Variants in PSORS1C1 observed in about 807,000 individuals in gnomAD.
PSORS1C1 encodes psoriasis susceptibility 1 candidate gene 1 protein.
PSORS1C1 carries 7 observed loss-of-function variants against 9.4 expected under a neutral mutation model. That is an observed-to-expected ratio of 0.75 (90% CI 0.42 to 1.40). The LOEUF (loss-of-function observed/expected upper bound fraction) is 1.40. PSORS1C1 is among the 40% of genes most tolerant of loss of function. The pLI is 0.01. For synonymous variants in PSORS1C1, 63 were observed against 69.4 expected (o/e 0.91, Z 0.46); for missense variants, 146 against 178.1 (o/e 0.82, Z 1.02).
Position 31,138,889 on chromosome 6 carries a change from C to A in PSORS1C1, c.167+110C>A, listed in dbSNP as rs1444609416. ...GCGTCCCCTGAATTCCTGTCCCCAA[C>A]CCCATGCGTCCAGTTCACCTCCGCC... On this transcript the variant is annotated intron_variant, in intron 5 of 5. Transcript: ENST00000259881. The A allele has an allele frequency of 4.0e-5, 64 of 1,598,434 alleles. No individual in the cohort carries two copies. The East Asian group carries it at 1.3e-3, about 33-fold the overall frequency.
chr6:31,134,146 T>A (rs539499592), intron 3 of PSORS1C1, among the ~76,000 whole-genome samples: 240 of 146,052 alleles, frequency 1.6e-3, no homozygotes, highest in African/African-American at 5.9e-3. Context: ...GCCCAGCTAA[T>A]TTTTTTGTAT....
rs1773292280 is a variant in PSORS1C1, at chr6:31,138,714, G to T, written c.102G>T (p.Glu34Asp). 1 of 1,602,708 alleles carries T rather than the reference G, an allele frequency of 6.2e-7. No individual in the cohort carries two copies. The highest frequency in any genetic ancestry group is 1.4e-5 in the African/African-American group (1 of 71,306). Residue 34 changes from glutamate to aspartate, a missense_variant, in exon 5 of 6, where the codon GAG becomes GAT. Glu to Asp is a conservative substitution (Grantham distance 45). Transcript: ENST00000259881. The part of the protein sequence containing the change: ...PQLLNTDPSS[E>D]ETRPPHVNPD... ...TCCTTAACACAGATCCCAGCTCCGA[G>T]GAAACTCGTCCCCCCCACGTTAATC...
rs569392048 is a variant in PSORS1C1 at position 31,135,845 on chromosome 6, C to T, written c.14-2585C>T. On this transcript the variant is annotated intron_variant, in intron 3 of 5. Coordinates refer to ENST00000259881, the MANE Select transcript of PSORS1C1 (RefSeq NM_014068.3). ...TGAGCTCCGGAGTTTGAGACAAGCC[C>T]GGGCAACACGGTAAAACCCCATCTC... Among the ~76,000 whole-genome samples, 50 of 151,586 alleles carry T rather than the reference C, an allele frequency of 3.3e-4. No homozygotes were observed. In the South Asian group the frequency reaches 7.7e-3, roughly 23 times the overall value.
At chr6:31,117,642 G>T in intron 1 of PSORS1C1, 2 of 879,620 alleles carry the variant, frequency 2.3e-6, no homozygotes, top group Non-Finnish European at 3.7e-6. Flanking sequence ...AGAGCGCAGG[G>T]AGAGTTTAGG....
In PSORS1C1 at chr6:31,139,365, T is replaced by C; in HGVS notation, c.168-276T>C. 1 of 590,574 alleles carries C rather than the reference T, an allele frequency of 1.7e-6. No individual in the cohort carries two copies. The allele number at this position is 590,574 out of a possible 1,614,324, so 36.6% of individuals were successfully genotyped here. A position where few individuals can be genotyped will look rare whatever the true frequency, so the allele number is the denominator to read the frequency against. On this transcript the variant is annotated intron_variant, in intron 5 of 5. Coordinates refer to ENST00000259881, the MANE Select transcript of PSORS1C1 (RefSeq NM_014068.3). This position sits in a 1 kb window ranked among gnomAD's most constrained non-coding sequence, Gnocchi z 5.2. ...TCCGTAATCACAGAGATGTCCACCTTCATCCCTTGCAACTATTGGAAGCCA... is the reference window on the plus strand; with the variant it reads ...TCCGTAATCACAGAGATGTCCACCTCCATCCCTTGCAACTATTGGAAGCCA...
chr6:31,128,000 C>T (rs557155436), intron 2 of PSORS1C1, among the ~76,000 whole-genome samples: 2 of 152,292 alleles, frequency 1.3e-5, no homozygotes, highest in East Asian at 3.9e-4. Flanking sequence ...CTTTGACTGG[C>T]TGTGGTATCC....
chr6:31,138,133 G>A lies in PSORS1C1; in HGVS notation c.14-297G>A, dbSNP rs149656440. On this transcript the variant is annotated intron_variant, in intron 3 of 5. Coordinates refer to ENST00000259881, the MANE Select transcript of PSORS1C1 (RefSeq NM_014068.3). ...TCAGGGAGCCAGACTCCAGTTTCAG[G>A]CAGGTCTCTCCAGGGACGACTGGGG... is the stretch of plus-strand genomic sequence containing the variant. 62 of 1,606,306 alleles carry A rather than the reference G, an allele frequency of 3.9e-5. No homozygotes were observed. The highest frequency in any genetic ancestry group is 5.0e-5 in the Non-Finnish European group (59 of 1,177,218).
Position 31,132,270 on chromosome 6 carries a change from T to C in PSORS1C1, c.13+2625T>C, listed in dbSNP as rs182155346. 6.1e-4 allele frequency among the ~76,000 whole-genome samples: 93 copies of C among 152,132 alleles called. No individual in the cohort carries two copies. The East Asian group carries it at 8.0e-3, about 13-fold the overall frequency. ...GGCACAGTGGCTCATGCCTGTAATCTCGACACTTTGGGAGGCCAAGGCGGG... is the reference window on the plus strand; with the variant it reads ...GGCACAGTGGCTCATGCCTGTAATCCCGACACTTTGGGAGGCCAAGGCGGG... On this transcript the variant is annotated intron_variant, in intron 3 of 5. Coordinates refer to ENST00000259881, the MANE Select transcript of PSORS1C1 (RefSeq NM_014068.3).
At chr6:31,129,759 G>A (rs1178527477) in intron 3 of PSORS1C1, 114 bp downstream of exon 3, 1 of 717,642 alleles carries the variant, frequency 1.4e-6, no homozygotes, top group Non-Finnish European at 2.6e-6. Context: ...TACAAAGAAA[G>A]ACAAGGCACA....
chr6:31,117,359 C>A, intron 1 of PSORS1C1: 1 of 1,577,796 alleles, frequency 6.3e-7, no homozygotes, highest in Non-Finnish European at 8.6e-7. Context: ...CTGGAGCCAC[C>A]ACCAGAGCTT....
At chr6:31,125,646 C>G (rs1344519396) in intron 1 of PSORS1C1, 30 bp from the exon 2 acceptor site, 1 of 152,328 alleles carries the variant, frequency 6.6e-6, no homozygotes, top group Non-Finnish European at 1.5e-5. Context: ...TTGGGAATAC[C>G]CCCTCACTTC....
In PSORS1C1 at chr6:31,117,376, C is replaced by T. The variant is rs746319078; in HGVS notation, c.-229+2485C>T. On this transcript the variant is annotated intron_variant, in intron 1 of 5. Coordinates refer to ENST00000259881, the MANE Select transcript of PSORS1C1 (RefSeq NM_014068.3). Reference sequence around the variant, plus strand: ...GGAGCCACCACCAGAGCTTCTGGCACTGGAAATGGAGCTGCCAGAACTGCT... The same window carrying T: ...GGAGCCACCACCAGAGCTTCTGGCATTGGAAATGGAGCTGCCAGAACTGCT... 18 of 1,573,270 alleles carry T rather than the reference C, an allele frequency of 1.1e-5. No individual in the cohort carries two copies. The African/African-American group carries it at 2.2e-4, about 19-fold the overall frequency.
intron 1 of PSORS1C1, among the ~76,000 whole-genome samples, chr6:31,122,730 G>A (rs1220619859): frequency 6.6e-6 from 1 of 152,198 alleles, no homozygotes. Context: ...AGTGAGCCAA[G>A]ATTGCACCAT....
intron 3 of PSORS1C1, chr6:31,133,745 A>G (rs936754117): frequency 1.3e-5 from 2 of 152,182 alleles, no homozygotes; most frequent in African/African-American, 4.8e-5. Context: ...CTCAATTTTA[A>G]GTTCTGAGTA....
chr6:31,117,516 C>T, intron 1 of PSORS1C1: 1 of 1,550,600 alleles, frequency 6.4e-7, no homozygotes. Context: ...TGCCAATGCT[C>T]TTAGCCAAGG....
At chr6:31,116,955 C>T (rs780616557) in intron 1 of PSORS1C1, 6 of 1,614,036 alleles carry the variant, frequency 3.7e-6, no homozygotes, top group Non-Finnish European at 5.1e-6. Flanking sequence ...CGGGGATGTC[C>T]GAACTACAGG....
At chr6:31,127,905 T>C (rs1772755832) in intron 2 of PSORS1C1, among the ~76,000 whole-genome samples, 1 of 152,202 alleles carries the variant, frequency 6.6e-6, no homozygotes, top group South Asian at 2.1e-4. Context: ...CTAGGTGACA[T>C]CCTACTACAG....
In PSORS1C1 at chr6:31,139,787, C is replaced by T. The variant is rs376027259; in HGVS notation, c.314C>T (p.Pro105Leu). 4.3e-6 allele frequency: 7 copies of T among 1,612,968 alleles called. No individual in the cohort carries two copies. The highest frequency in any genetic ancestry group is 4.0e-5 in the African/African-American group (3 of 74,922). Reference sequence around the variant, plus strand: ...TTTGCATCAGTCCTGCCAATGGCTCCGGAAGAAGCTGCCAGGCTCCAGCAA... The same window carrying T: ...TTTGCATCAGTCCTGCCAATGGCTCTGGAAGAAGCTGCCAGGCTCCAGCAA... ...ELFASVLPMA[P>L]EEAARLQQPQ... is the part of the protein sequence containing the mutation. Residue 105 changes from proline (P) to leucine (L), a missense_variant, in exon 6 of 6, where the codon CCG (proline) becomes CTG (leucine). Transcript: ENST00000259881. This position sits in a 1 kb window ranked among gnomAD's most constrained non-coding sequence, Gnocchi z 5.2.
chr6:31,130,123 T>A (rs371213991), intron 3 of PSORS1C1, among the ~76,000 whole-genome samples: 5 of 149,818 alleles, frequency 3.3e-5, no homozygotes, highest in South Asian at 2.1e-4. Flanking sequence ...TTAATTAATT[T>A]TTTTTCCTCC....
Sources: gnomAD v4.1 joint callset for allele counts (sites outside exome capture counted in the v4.1 genomes callset) on GRCh38, gnomAD v4.1.1 for gene constraint, Gnocchi (gnomAD v3.1) non-coding constraint, MANE v1.5 for transcripts, NCBI Gene and HGNC (gene_info 2026-07-23, HGNC 2026-07-21) for gene names.